Variants in GRID2 observed in about 807,000 individuals in gnomAD.
The protein encoded by GRID2 is glutamate ionotropic receptor delta type subunit 2.
A neutral mutation model predicts 114.8 loss-of-function variants in GRID2; 33 were observed. The ratio of observed to expected loss-of-function variants is 0.29; its 90% confidence interval spans 0.22 to 0.38. The LOEUF is 0.38. Ranked by LOEUF, GRID2 falls within the 10% of genes least tolerant of loss-of-function variation. The pLI, the probability that GRID2 is intolerant of heterozygous loss-of-function variation, is 1.00. For synonymous variants in GRID2, 505 were observed against 449.9 expected, an observed-to-expected ratio of 1.12 and a Z score of -1.55; for missense variants, 1,184 against 1,257.7, an observed-to-expected ratio of 0.94 and a Z score of 0.89.
At chr4:92,308,594 T>G (rs762708333) in intron 1 of GRID2, among the ~76,000 whole-genome samples, 3 of 152,074 alleles carry the variant, frequency 2.0e-5, no homozygotes, top group Non-Finnish European at 4.4e-5. Flanking sequence ...AAGTACAAAA[T>G]CGGGTAAATA....
intron 13 of GRID2, among the ~76,000 whole-genome samples, chr4:93,535,702 A>G (rs1731990977): frequency 6.6e-6 from 1 of 151,954 alleles, no homozygotes; most frequent in Non-Finnish European, 1.5e-5. Flanking sequence ...CCCTCTTTTG[A>G]GAAAATCTAT....
chr4:93,634,565 C>T (rs1560846390), intron 14 of GRID2, among the ~76,000 whole-genome samples: 1 of 152,182 alleles, frequency 6.6e-6, no homozygotes, highest in African/African-American at 2.4e-5. Context: ...TTGCCAAATT[C>T]ACACAACTAA....
intron 14 of GRID2, among the ~76,000 whole-genome samples, chr4:93,724,946 A>C (rs1291174172): frequency 1.3e-5 from 2 of 150,676 alleles, no homozygotes; most frequent in Non-Finnish European, 3.0e-5. Flanking sequence ...TGCCCAGCTA[A>C]TTTTTGTATT....
intron 13 of GRID2, among the ~76,000 whole-genome samples, chr4:93,564,205 A>G (rs1735193574): frequency 1.3e-5 from 2 of 152,022 alleles, no homozygotes; most frequent in South Asian, 4.1e-4. Flanking sequence ...GAAATATGTC[A>G]AAGTCTGAAC....
At chr4:93,526,550 C>A (rs1192199323) in intron 13 of GRID2, among the ~76,000 whole-genome samples, 1 of 152,222 alleles carries the variant, frequency 6.6e-6, no homozygotes, top group Non-Finnish European at 1.5e-5. Flanking sequence ...TGGCTCACGC[C>A]TGTAATCCCA....
intron 2 of GRID2, among the ~76,000 whole-genome samples, chr4:92,879,337 T>A (rs1745843381): frequency 6.6e-6 from 1 of 152,124 alleles, no homozygotes; most frequent in Non-Finnish European, 1.5e-5. Flanking sequence ...CCCAAAATAG[T>A]ACTTCTTCAT....
intron 14 of GRID2, among the ~76,000 whole-genome samples, chr4:93,755,026 A>G (rs529221882): frequency 1.8e-4 from 28 of 152,316 alleles, no homozygotes; most frequent in Non-Finnish European, 3.4e-4. Flanking sequence ...AACGTTGTGC[A>G]TGTAGCTCTT....
chr4:93,564,557 T>C (rs569069770), intron 13 of GRID2, among the ~76,000 whole-genome samples: 1 of 152,134 alleles, frequency 6.6e-6, no homozygotes, highest in East Asian at 1.9e-4. Flanking sequence ...ACACAAAAGC[T>C]CAAAATCTGC....
intron 2 of GRID2, among the ~76,000 whole-genome samples, chr4:92,936,252 A>G (rs1351187425): frequency 6.8e-6 from 1 of 146,408 alleles, no homozygotes; most frequent in African/African-American, 2.4e-5. Context: ...TAATAGTTCA[A>G]TTAATTAATA....
At chr4:92,635,198 C>G (rs1731008529) in intron 2 of GRID2, among the ~76,000 whole-genome samples, 1 of 152,034 alleles carries the variant, frequency 6.6e-6, no homozygotes, top group Non-Finnish European at 1.5e-5. Context: ...TCTACTGCCT[C>G]AAAGTAAGCA....
At chr4:92,625,529 A>G (rs1249011407) in intron 2 of GRID2, among the ~76,000 whole-genome samples, 1 of 151,930 alleles carries the variant, frequency 6.6e-6, no homozygotes, top group Non-Finnish European at 1.5e-5. Context: ...AGATAGTAAT[A>G]CACAGTGGTT....
chr4:93,155,526 G>A (rs570398089), intron 4 of GRID2, among the ~76,000 whole-genome samples: 13 of 151,852 alleles, frequency 8.6e-5, no homozygotes, highest in Non-Finnish European at 1.9e-4. Flanking sequence ...GAACTAAGCC[G>A]ACATTTCCTA....
At chr4:93,211,485 A>G (rs1057501089) in intron 5 of GRID2, among the ~76,000 whole-genome samples, 3 of 152,164 alleles carry the variant, frequency 2.0e-5, no homozygotes, top group Admixed American at 6.6e-5. Context: ...TAAAACATCC[A>G]TATAAACAAA....
At chr4:93,294,476 A>T (rs1402481641) in intron 8 of GRID2, among the ~76,000 whole-genome samples, 1 of 152,088 alleles carries the variant, frequency 6.6e-6, no homozygotes, top group Non-Finnish European at 1.5e-5. Context: ...GTGTGTGTGT[A>T]CACACACATG....
chr4:92,883,943 C>T lies in GRID2; in HGVS notation c.245-201052C>T, dbSNP rs561473184. Among the ~76,000 whole-genome samples, 3 of 152,196 alleles carry T rather than the reference C, an allele frequency of 2.0e-5. No homozygotes were observed. In the South Asian group the frequency reaches 6.2e-4, roughly 32 times the overall value. Reference sequence around the variant, plus strand: ...CTTAGGGTTGTCAGTTTCATTAGTCCCTAATAAGAGAGTCAACCTCTTCTT... The same window carrying T: ...CTTAGGGTTGTCAGTTTCATTAGTCTCTAATAAGAGAGTCAACCTCTTCTT... On this transcript the variant is annotated intron_variant, in intron 2 of 15. Coordinates refer to ENST00000282020, the MANE Select transcript of GRID2 (RefSeq NM_001510.4).
At chr4:92,359,058 A>G (rs1219423868) in intron 1 of GRID2, among the ~76,000 whole-genome samples, 1 of 149,668 alleles carries the variant, frequency 6.7e-6, no homozygotes, top group Non-Finnish European at 1.5e-5. Flanking sequence ...CAAATATTGT[A>G]GTTAAATTTT....
intron 2 of GRID2, among the ~76,000 whole-genome samples, chr4:92,806,165 CG>C (rs1740400568): frequency 2.8e-5 from 3 of 106,214 alleles, no homozygotes; most frequent in African/African-American, 1.3e-4. Flanking sequence ...AATAGGCTAT[CG>C]ACACACACAC....
At chr4:93,130,178 G>T (rs766105045) in intron 4 of GRID2, among the ~76,000 whole-genome samples, 2 of 152,164 alleles carry the variant, frequency 1.3e-5, no homozygotes, top group African/African-American at 2.4e-5. Context: ...GGTGGCTCAC[G>T]CCTGTAATCC....
intron 14 of GRID2, among the ~76,000 whole-genome samples, chr4:93,633,892 T>C (rs768263021): frequency 1.3e-5 from 2 of 152,138 alleles, no homozygotes; most frequent in Non-Finnish European, 2.9e-5. Context: ...TGTTCACCAT[T>C]CAGCAAGGGG....
Sources: gnomAD v4.1 joint callset for allele counts (sites outside exome capture counted in the v4.1 genomes callset) on GRCh38, gnomAD v4.1.1 for gene constraint, MANE v1.5 for transcripts, NCBI Gene and HGNC (gene_info 2026-07-23, HGNC 2026-07-21) for gene names.